ASTN2: variants seen among roughly 807,000 people sequenced by gnomAD.
The protein encoded by ASTN2 is astrotactin-2.
Under a neutral mutation model 139.8 loss-of-function variants are expected in ASTN2, and 54 were observed. The ratio of observed to expected loss-of-function variants is 0.39; its 90% CI spans 0.31 to 0.48. The LOEUF is 0.48. Ranked by LOEUF, ASTN2 falls within the 20% of genes least tolerant of loss-of-function variation. The pLI is 0.95. For missense variants in ASTN2, 1,565 were observed against 1,725.1 expected (o/e 0.91, Z 1.64); for synonymous variants, 756 against 719.5 (o/e 1.05, Z -0.81).
intron 16 of ASTN2, among the ~76,000 whole-genome samples, chr9:116,711,975 C>A (rs1001049317): frequency 6.6e-6 from 1 of 152,154 alleles, no homozygotes; most frequent in East Asian, 1.9e-4. Context: ...TTCTAAAATG[C>A]AAATGCTAAT....
chr9:116,761,983 T>A (rs1407869868), intron 13 of ASTN2, among the ~76,000 whole-genome samples: 3 of 152,184 alleles, frequency 2.0e-5, no homozygotes, highest in East Asian at 3.9e-4. Flanking sequence ...GATGTGGACA[T>A]GCAGCTTTGC....
intron 2 of ASTN2, among the ~76,000 whole-genome samples, chr9:117,257,230 T>C (rs921882344): frequency 1.3e-5 from 2 of 152,208 alleles, no homozygotes; most frequent in Non-Finnish European, 2.9e-5. Context: ...ATCTTACTAA[T>C]GGGTCTAAAA....
At chr9:117,168,798 C>T (rs957293550) in intron 3 of ASTN2, among the ~76,000 whole-genome samples, 1 of 152,172 alleles carries the variant, frequency 6.6e-6, no homozygotes. Context: ...CCTATTCTCT[C>T]CTGCTATATT....
chr9:117,021,342 C>G (rs1449054822), intron 6 of ASTN2, among the ~76,000 whole-genome samples: 1 of 152,114 alleles, frequency 6.6e-6, no homozygotes, highest in African/African-American at 2.4e-5. Flanking sequence ...CTTTTGCTAT[C>G]AAACCTAATT....
chr9:116,848,454 C>CCT (rs1682125429), intron 11 of ASTN2, among the ~76,000 whole-genome samples: 1 of 152,136 alleles, frequency 6.6e-6, no homozygotes, highest in African/African-American at 2.4e-5. Flanking sequence ...TCAAAGCAAA[C>CCT]CTATGTGGCA....
intron 10 of ASTN2, among the ~76,000 whole-genome samples, chr9:116,908,367 C>A (rs763060424): frequency 1.3e-5 from 2 of 151,936 alleles, no homozygotes; most frequent in Non-Finnish European, 2.9e-5. Context: ...AAAGACCCAC[C>A]TCACAGAGTT....
intron 11 of ASTN2, among the ~76,000 whole-genome samples, chr9:116,825,775 C>T (rs1786050886): frequency 6.6e-6 from 1 of 152,182 alleles, no homozygotes; most frequent in Non-Finnish European, 1.5e-5. Context: ...GCCTGACATA[C>T]GAAGTGCCTA....
At chr9:116,920,775 A>T (rs115491065) in intron 10 of ASTN2, among the ~76,000 whole-genome samples, 1,731 of 152,256 alleles carry the variant, frequency 0.011, 21 homozygotes, top group African/African-American at 0.039. Flanking sequence ...TACGATTACT[A>T]ACTCCATTTT....
At chr9:116,431,389 AACATG>A (rs1847491985) in intron 22 of ASTN2, among the ~76,000 whole-genome samples, 1 of 152,120 alleles carries the variant, frequency 6.6e-6, no homozygotes. Flanking sequence ...AAAAAATGGG[AACATG>A]ACCTTCAGAA....
intron 13 of ASTN2, among the ~76,000 whole-genome samples, chr9:116,803,520 ATATTTTTTTTT>A (rs1411056486): frequency 8.9e-3 from 36 of 4,046 alleles, no homozygotes; most frequent in Admixed American, 0.035. Flanking sequence ...ATATATATAT[ATATTTTTTTTT>A]TTTTTTTTTT....
intron 12 of ASTN2, among the ~76,000 whole-genome samples, chr9:116,807,470 G>A (rs1348562311): frequency 2.6e-5 from 4 of 152,162 alleles, no homozygotes; most frequent in Non-Finnish European, 5.9e-5. Context: ...TCTTTCTAAC[G>A]TTCAAATGTT....
At chr9:117,362,181 C>T (rs1284381029) in intron 1 of ASTN2, among the ~76,000 whole-genome samples, 1 of 152,122 alleles carries the variant, frequency 6.6e-6, no homozygotes, top group Non-Finnish European at 1.5e-5. Flanking sequence ...GCCATGTTGG[C>T]CAGGCTGGTC....
chr9:116,812,442 A>G (rs1831191111), intron 12 of ASTN2, among the ~76,000 whole-genome samples: 2 of 152,216 alleles, frequency 1.3e-5, no homozygotes, highest in Non-Finnish European at 1.5e-5. Flanking sequence ...GTAACGGACC[A>G]TGAGTCAATG....
Position 116,618,354 on chromosome 9 carries a change from C to A in ASTN2, c.3325G>T (p.Asp1109Tyr), listed in dbSNP as rs760653222. The A allele has an allele frequency of 6.2e-7, 1 of 1,614,134 alleles. No homozygotes were observed. The highest frequency in any genetic ancestry group is 8.5e-7 in the Non-Finnish European group (1 of 1,179,980). Reference protein sequence around the residue: ...SDYILQHKKVDEYTDTDLYTG... With the variant: ...SDYILQHKKVYEYTDTDLYTG... ...TACAGGTCAGTGTCTGTGTATTCAT[C>A]CACTTTCTTATGCTGCAGAATATAG... Residue 1109 changes from aspartate (D) to tyrosine (Y), a missense_variant, in exon 19 of 23, where the codon GAT becomes TAT. Asp to Tyr is a radical substitution (Grantham distance 160). This residue lies in a region of ASTN2 where 418 missense variants were observed against 465.8 expected (regional missense o/e 0.90). Transcript: ENST00000313400.
chr9:116,873,348 A>G (rs921755484), intron 10 of ASTN2, among the ~76,000 whole-genome samples: 9 of 152,230 alleles, frequency 5.9e-5, no homozygotes, highest in Admixed American at 3.9e-4. Flanking sequence ...AGCCACAGGT[A>G]GGTAGATTTG....
intron 13 of ASTN2, among the ~76,000 whole-genome samples, chr9:116,779,888 CATT>C (rs1403242082): frequency 6.6e-6 from 1 of 152,186 alleles, no homozygotes; most frequent in African/African-American, 2.4e-5. Flanking sequence ...TTTCACCACT[CATT>C]AATCACTTCA....
At chr9:117,368,069 A>G (rs1192353683) in intron 1 of ASTN2, among the ~76,000 whole-genome samples, 2 of 152,146 alleles carry the variant, frequency 1.3e-5, no homozygotes, top group African/African-American at 4.8e-5. Context: ...CTTGAATAGA[A>G]GATGATGTTC....
intron 21 of ASTN2, 81 bp downstream of exon 21, chr9:116,442,372 T>TG: frequency 9.1e-7 from 1 of 1,094,454 alleles, no homozygotes. Flanking sequence ...CGTGTGTGTG[T>TG]TTAATGATTA....
Position 116,854,407 on chromosome 9 carries a change from A to C in ASTN2, c.2040+9176T>G, listed in dbSNP as rs150348654. Among the ~76,000 whole-genome samples, 926 of 152,294 alleles carry C rather than the reference A, an allele frequency of 6.1e-3. 8 individuals are homozygous for C. Among genetic ancestry groups the C allele is most frequent in the African/African-American group, 0.021 (868 of 41,560 alleles). On this transcript the variant is annotated intron_variant, in intron 11 of 22. Coordinates refer to ENST00000313400, the MANE Select transcript of ASTN2 (RefSeq NM_001365068.1). ...TTTTACTCAACAGGAACCCAAGGCTAAGAGGCTTTAAGTAACTTTTCCCAA... is the reference window on the plus strand; with the variant it reads ...TTTTACTCAACAGGAACCCAAGGCTCAGAGGCTTTAAGTAACTTTTCCCAA...
Sources: allele counts gnomAD v4.1 joint callset (sites outside exome capture counted in the v4.1 genomes callset), GRCh38; gene constraint gnomAD v4.1.1; regional missense constraint gnomAD v4.1.1; transcripts MANE v1.5; gene names NCBI Gene and HGNC (gene_info 2026-07-23, HGNC 2026-07-21).